KALRN: variants seen among roughly 807,000 people sequenced by gnomAD.
KALRN encodes kalirin RhoGEF kinase.
A neutral mutation model predicts 353.7 loss-of-function variants in KALRN; 70 were observed. That is an observed-to-expected ratio of 0.20 (90% CI 0.16 to 0.24). The LOEUF (loss-of-function observed/expected upper bound fraction) is 0.24, where lower values mean the gene tolerates loss of function less well. Ranked by LOEUF, KALRN falls within the 10% of genes least tolerant of loss-of-function variation. KALRN has a pLI of 1.00. For missense variants in KALRN, 2,791 were observed against 3,756.7 expected, an observed-to-expected ratio of 0.74 and a Z score of 6.72; for synonymous variants, 1,391 against 1,434.8, an observed-to-expected ratio of 0.97 and a Z score of 0.69.
chr3:124,395,365 C>A, intron 12 of KALRN, 22 bp downstream of exon 12: 1 of 1,593,618 alleles, frequency 6.3e-7, no homozygotes, highest in East Asian at 2.3e-5. Flanking sequence ...CAGAGCTTTC[C>A]AGTGGGAAAT....
intron 34 of KALRN, among the ~76,000 whole-genome samples, chr3:124,586,750 C>A (rs550087425): frequency 6.6e-6 from 1 of 152,268 alleles, no homozygotes; most frequent in African/African-American, 2.4e-5. Context: ...AAGGTGGGTG[C>A]CCGGGGCCTT....
At chr3:124,563,959 T>C (rs1339640442) in intron 34 of KALRN, among the ~76,000 whole-genome samples, 2 of 149,028 alleles carry the variant, frequency 1.3e-5, no homozygotes, top group Non-Finnish European at 3.0e-5. Flanking sequence ...CAAGCCAAGA[T>C]TGTGCCACTG....
intron 34 of KALRN, among the ~76,000 whole-genome samples, chr3:124,626,258 TAAGA>T (rs1484846858): frequency 6.6e-6 from 1 of 152,180 alleles, no homozygotes; most frequent in Non-Finnish European, 1.5e-5. Flanking sequence ...ACAACATGGA[TAAGA>T]AAGATGCACA....
chr3:124,518,088 A>T (rs1450335406), intron 33 of KALRN, among the ~76,000 whole-genome samples: 1 of 152,130 alleles, frequency 6.6e-6, no homozygotes, highest in Non-Finnish European at 1.5e-5. Context: ...GTCTAATGGG[A>T]TGAAAGCGTA....
intron 57 of KALRN, among the ~76,000 whole-genome samples, chr3:124,712,311 G>A (rs917758158): frequency 6.6e-6 from 1 of 151,988 alleles, no homozygotes; most frequent in African/African-American, 2.4e-5. Flanking sequence ...AAGTAGAATT[G>A]GTATGTATGA....
At chr3:124,276,937 G>A (rs182392017) in intron 5 of KALRN, among the ~76,000 whole-genome samples, 1 of 152,070 alleles carries the variant, frequency 6.6e-6, no homozygotes, top group South Asian at 2.1e-4. Context: ...CCCAACACAC[G>A]CACGCACACA....
chr3:124,312,904 C>T (rs1363891044), intron 6 of KALRN, among the ~76,000 whole-genome samples: 1 of 152,232 alleles, frequency 6.6e-6, no homozygotes, highest in South Asian at 2.1e-4. Context: ...TATAACAATG[C>T]CTGGCAGTTA....
At chr3:124,399,665 T>C (rs2090612547) in intron 13 of KALRN, among the ~76,000 whole-genome samples, 2 of 152,348 alleles carry the variant, frequency 1.3e-5, no homozygotes, top group South Asian at 2.1e-4. Flanking sequence ...GGGGAACCTG[T>C]ATCCGCAGTT....
intron 12 of KALRN, among the ~76,000 whole-genome samples, chr3:124,397,165 A>G (rs1409234736): frequency 2.0e-5 from 3 of 152,226 alleles, no homozygotes; most frequent in Admixed American, 1.3e-4. Context: ...GAGAAGTCCA[A>G]GAGAATAATC....
intron 1 of KALRN, chr3:124,094,753 A>G: frequency 1.7e-6 from 2 of 1,160,528 alleles, no homozygotes; most frequent in Non-Finnish European, 2.6e-6. Flanking sequence ...GCCCAGCGTC[A>G]AGTGATTCCG....
At chr3:124,473,022 A>G (rs1577222713) in intron 25 of KALRN, among the ~76,000 whole-genome samples, 1 of 152,366 alleles carries the variant, frequency 6.6e-6, no homozygotes, top group East Asian at 1.9e-4. Flanking sequence ...ATTAAATTGC[A>G]GATGGACAAA....
At chr3:124,694,311 T>C (rs748945503) in intron 52 of KALRN, 21 bp from the exon 53 acceptor site, 2 of 1,609,702 alleles carry the variant, frequency 1.2e-6, no homozygotes, top group East Asian at 2.2e-5. Flanking sequence ...ATGATGTTAA[T>C]GTATGTTGAT....
intron 1 of KALRN, chr3:124,096,713 G>A (rs1435166058): frequency 6.6e-6 from 1 of 152,146 alleles, no homozygotes; most frequent in Middle Eastern, 3.4e-3. Context: ...TGTTTTCTAG[G>A]GCTATACTTA....
intron 32 of KALRN, 132 bp from the exon 33 acceptor site, chr3:124,496,179 A>C (rs2063827077): frequency 1.7e-5 from 11 of 653,078 alleles, no homozygotes; most frequent in Non-Finnish European, 3.0e-5. Flanking sequence ...TTAGCAGGAT[A>C]ATTTTAGACA....
chr3:124,358,900 C>A (rs1198675132), intron 10 of KALRN, among the ~76,000 whole-genome samples: 1 of 152,178 alleles, frequency 6.6e-6, no homozygotes, highest in Non-Finnish European at 1.5e-5. Flanking sequence ...GCTGTGGAGT[C>A]TCTTGATTCA....
rs1194972612 is a variant in KALRN at position 124,245,481 on chromosome 3, T to A, written c.263+10538T>A. On this transcript the variant is annotated intron_variant, in intron 3 of 59. Transcript: ENST00000682506. ...CAGGTATCTTTTTGATACACAGATT[T>A]CCTTTCTTTTGGCTACATACCCAGC... Among the ~76,000 whole-genome samples, 5 of 152,324 alleles carry A rather than the reference T, an allele frequency of 3.3e-5. No homozygotes were observed. In the East Asian group the frequency reaches 9.6e-4, roughly 29 times the overall value.
At chr3:124,288,659 T>C (rs1224049681) in intron 5 of KALRN, among the ~76,000 whole-genome samples, 1 of 152,162 alleles carries the variant, frequency 6.6e-6, no homozygotes, top group Non-Finnish European at 1.5e-5. Flanking sequence ...GAAAGCAATG[T>C]ATTAGTGCAG....
intron 5 of KALRN, among the ~76,000 whole-genome samples, chr3:124,274,033 A>T (rs1418657402): frequency 6.6e-6 from 1 of 152,158 alleles, no homozygotes; most frequent in East Asian, 1.9e-4. Context: ...CCTCTTCCCC[A>T]CTGGGGGCCA....
chr3:124,587,698 C>CTTTTTTTTTTTTTTTTT lies in KALRN; in HGVS notation c.5182+24618_5182+24634dup, dbSNP rs529810541. Among the ~76,000 whole-genome samples the CTTTTTTTTTTTTTTTTT allele has an allele frequency of 6.5e-4, 49 of 75,860 alleles. 8 individuals are homozygous for CTTTTTTTTTTTTTTTTT. The highest frequency in any genetic ancestry group is 8.2e-4 in the African/African-American group (13 of 15,788). The allele number at this position is 75,860 out of a possible 152,430, so 49.8% of individuals were successfully genotyped here. A position where few individuals can be genotyped will look rare whatever the true frequency, so the allele number is the denominator to read the frequency against. On this transcript the variant is annotated intron_variant, in intron 34 of 59. Coordinates refer to ENST00000682506, the MANE Select transcript of KALRN (RefSeq NM_001388419.1). Reference sequence around the variant, plus strand: ...TTTTTCCCTCCACCCCCACCCTCCACTTTTTTTTTTTTTTTTTTTTTTTTT... The same window carrying CTTTTTTTTTTTTTTTTT: ...TTTTTCCCTCCACCCCCACCCTCCACTTTTTTTTTTTTTTTTTTTTTTTTTTTTTTTTTTTTTTTTTT...
Sources: allele counts gnomAD v4.1 joint callset (sites outside exome capture counted in the v4.1 genomes callset), GRCh38; gene constraint gnomAD v4.1.1; transcripts MANE v1.5; gene names NCBI Gene and HGNC (gene_info 2026-07-23, HGNC 2026-07-21).